Variants in LARGE1 observed in about 807,000 individuals in gnomAD.
The protein encoded by LARGE1 is xylosyl- and glucuronyltransferase LARGE1.
Under a neutral mutation model 87.6 loss-of-function variants are expected in LARGE1, and 43 were observed. The ratio of observed to expected loss-of-function variants is 0.49; its 90% CI spans 0.38 to 0.63. LARGE1 has a LOEUF of 0.63. Ranked by LOEUF, LARGE1 falls within the 30% of genes least tolerant of loss-of-function variation. LARGE1 has a pLI of 0.00. For synonymous variants in LARGE1, 434 were observed against 394.6 expected, an observed-to-expected ratio of 1.10 and a Z score of -1.18; for missense variants, 802 against 1,000.2, an observed-to-expected ratio of 0.80 and a Z score of 2.67.
At chr22:33,833,617 A>G (rs1254082165) in intron 1 of LARGE1, among the ~76,000 whole-genome samples, 1 of 152,212 alleles carries the variant, frequency 6.6e-6, no homozygotes, top group East Asian at 1.9e-4. Context: ...TTGTTACGAT[A>G]GGGCTAGCAA....
chr22:33,873,871 T>TTCACCTC (rs1569004033), intron 1 of LARGE1, among the ~76,000 whole-genome samples: 5 of 151,216 alleles, frequency 3.3e-5, no homozygotes, highest in Non-Finnish European at 5.9e-5. Context: ...GGTTTCACCT[T>TTCACCTC]CCTCCACCTC....
intron 9 of LARGE1, among the ~76,000 whole-genome samples, chr22:33,350,353 A>G (rs760739288): frequency 5.9e-5 from 9 of 152,204 alleles, no homozygotes; most frequent in Non-Finnish European, 8.8e-5. Context: ...TTCCCTGCAG[A>G]CAACCCACAC....
chr22:33,593,529 T>C (rs539259188), intron 5 of LARGE1, among the ~76,000 whole-genome samples: 1 of 152,288 alleles, frequency 6.6e-6, no homozygotes, highest in Admixed American at 6.5e-5. Flanking sequence ...TCTTCCAAGA[T>C]AATAAGCTTG....
intron 1 of LARGE1, among the ~76,000 whole-genome samples, chr22:33,903,080 C>T (rs1175489061): frequency 2.0e-5 from 3 of 152,118 alleles, no homozygotes; most frequent in Non-Finnish European, 2.9e-5. Context: ...TGCACTGAGC[C>T]GAGATCAAGC....
rs140977547 is a variant in LARGE1 at position 33,444,844 on chromosome 22, C to T, written c.788-12579G>A. On this transcript the variant is annotated intron_variant, in intron 6 of 14. Transcript: ENST00000397394. The stretch of plus-strand genomic sequence containing the variant: ...GAGCTTACAGTTTTATTTTTTGAGA[C>T]GGTGAGACGTTGTCTTGTTCTGTCA... Among the ~76,000 whole-genome samples, 624 of 151,634 alleles carry T rather than the reference C, an allele frequency of 4.1e-3. 3 individuals are homozygous for T. Among genetic ancestry groups the T allele is most frequent in the Middle Eastern group, 0.037 (11 of 294 alleles).
chr22:33,353,356 G>A (rs1453975679), intron 9 of LARGE1, among the ~76,000 whole-genome samples: 1 of 151,814 alleles, frequency 6.6e-6, no homozygotes, highest in Non-Finnish European at 1.5e-5. Flanking sequence ...CAGAATAAAG[G>A]ACAATAAAGT....
chr22:33,473,192 G>C (rs1298054637), intron 6 of LARGE1, among the ~76,000 whole-genome samples: 4 of 151,116 alleles, frequency 2.6e-5, no homozygotes, highest in African/African-American at 4.9e-5. Context: ...CTTTGAGATG[G>C]AGTTTCACTC....
Position 33,621,421 on chromosome 22 carries a change from T to C in LARGE1, c.491+4823A>G, listed in dbSNP as rs1353307333. 6.4e-5 allele frequency among the ~76,000 whole-genome samples: 9 copies of C among 140,036 alleles called. No individual in the cohort carries two copies. In the Admixed American group the frequency reaches 6.8e-4, roughly 11 times the overall value. 91.9% of individuals were successfully genotyped at this position (140,036 alleles called of 152,430 possible). On this transcript the variant is annotated intron_variant, in intron 4 of 14. Transcript: ENST00000397394. ...CTCTTTTACTATCTTTTGAAATATG[T>C]CATCAAGCATATGGCAGAAGTAAAA...
intron 1 of LARGE1, among the ~76,000 whole-genome samples, chr22:33,837,724 C>T (rs2063150824): frequency 1.3e-5 from 2 of 152,230 alleles, no homozygotes; most frequent in Non-Finnish European, 2.9e-5. Flanking sequence ...AGCCTATGGC[C>T]AGAGCCGGCT....
chr22:33,630,539 ATG>A (rs2080075047), intron 3 of LARGE1, among the ~76,000 whole-genome samples: 1 of 152,214 alleles, frequency 6.6e-6, no homozygotes, highest in South Asian at 2.1e-4. Context: ...CTGTAACACA[ATG>A]GTGAGTATTT....
chr22:33,321,078 G>A, intron 10 of LARGE1: 1 of 152,214 alleles, frequency 6.6e-6, no homozygotes, highest in East Asian at 1.9e-4. Flanking sequence ...GAGCTTCAGG[G>A]TCCTCAGCTG....
At chr22:33,339,160 A>AAAAT (rs1280550762) in intron 9 of LARGE1, among the ~76,000 whole-genome samples, 1 of 151,512 alleles carries the variant, frequency 6.6e-6, no homozygotes, top group African/African-American at 2.4e-5. Flanking sequence ...AAAATAAAAA[A>AAAAT]AAAAAAAAAA....
chr22:33,073,407 C>A, the LARGE1 span, among the ~76,000 whole-genome samples: 1 of 152,182 alleles, frequency 6.6e-6, no homozygotes, highest in Admixed American at 6.5e-5. Context: ...GAAGTCCAAT[C>A]TACCAATCAA....
At chr22:33,077,301 A>G in the LARGE1 span, among the ~76,000 whole-genome samples, 1 of 152,144 alleles carries the variant, frequency 6.6e-6, no homozygotes, top group Admixed American at 6.5e-5. Context: ...TATTATTCCC[A>G]TTATAAAGTG....
At chr22:33,582,430 C>T (rs191919685) in intron 5 of LARGE1, among the ~76,000 whole-genome samples, 40 of 152,062 alleles carry the variant, frequency 2.6e-4, no homozygotes, top group Non-Finnish European at 1.8e-4. Context: ...AGTTTGAAGT[C>T]CTCAGAATCC....
chr22:33,377,281 A>C (rs1238593657), intron 9 of LARGE1, among the ~76,000 whole-genome samples: 1 of 152,122 alleles, frequency 6.6e-6, no homozygotes, highest in African/African-American at 2.4e-5. Flanking sequence ...ACACACACAA[A>C]ATAAAAACTT....
intron 4 of LARGE1, among the ~76,000 whole-genome samples, chr22:33,618,679 C>A (rs553672896): frequency 9.2e-5 from 14 of 152,274 alleles, no homozygotes; most frequent in African/African-American, 3.4e-4. Context: ...AAAATACATA[C>A]CTGGAAGGGG....
At chr22:33,894,573 T>G (rs1438979973) in intron 1 of LARGE1, among the ~76,000 whole-genome samples, 3 of 152,194 alleles carry the variant, frequency 2.0e-5, no homozygotes, top group Non-Finnish European at 4.4e-5. Flanking sequence ...CAGCAACTCT[T>G]ATTTTTCAAA....
chr22:33,777,515 T>C (rs1262106828), intron 1 of LARGE1, among the ~76,000 whole-genome samples: 1 of 151,904 alleles, frequency 6.6e-6, no homozygotes, highest in African/African-American at 2.4e-5. Context: ...TGGTGCCACA[T>C]GCCTGCAGTC....
Sources: allele counts gnomAD v4.1 joint callset (sites outside exome capture counted in the v4.1 genomes callset), GRCh38; gene constraint gnomAD v4.1.1; transcripts MANE v1.5; gene names NCBI Gene and HGNC (gene_info 2026-07-23, HGNC 2026-07-21).